TEKT5: variants seen among roughly 807,000 people sequenced by gnomAD.
TEKT5 encodes the protein tektin-5.
TEKT5 carries 52 observed loss-of-function variants against 48.7 expected under a neutral mutation model. The ratio of observed to expected loss-of-function variants is 1.07; its 90% confidence interval spans 0.86 to 1.35. The LOEUF is 1.35. Among genes scored for constraint, TEKT5 ranks in the 40% most tolerant of loss-of-function variants. The pLI is 0.00. For synonymous variants in TEKT5, 318 were observed against 267.6 expected (o/e 1.19, Z -1.84); for missense variants, 831 against 641.6 (o/e 1.30, Z -3.19).
chr16:10,693,376 T>G (rs1203715197), intron 1 of TEKT5, among the ~76,000 whole-genome samples: 7 of 152,246 alleles, frequency 4.6e-5, no homozygotes, highest in African/African-American at 7.2e-5. Context: ...ATTACAGGTG[T>G]AAGCCACTGT....
chr16:10,641,808 T>G (rs922718780), intron 5 of TEKT5, among the ~76,000 whole-genome samples: 29 of 151,940 alleles, frequency 1.9e-4, no homozygotes, highest in African/African-American at 7.0e-4. Context: ...GGTGACAGAG[T>G]GAGACACTGT....
intron 5 of TEKT5, among the ~76,000 whole-genome samples, chr16:10,637,453 G>GGAGGGGA (rs1380041151): frequency 6.6e-6 from 1 of 151,564 alleles, no homozygotes; most frequent in East Asian, 1.9e-4. Context: ...GGAGGAAGGA[G>GGAGGGGA]GAGGGGAGAG....
chr16:10,684,036 C>T (rs1898808912), intron 3 of TEKT5, among the ~76,000 whole-genome samples: 1 of 152,214 alleles, frequency 6.6e-6, no homozygotes, highest in Admixed American at 6.5e-5. Context: ...CTCGCTAAAT[C>T]CTAGCTAGAA....
In TEKT5 at chr16:10,690,287, C is replaced by G. The variant is rs536861016; in HGVS notation, c.565-262G>C. Among the ~76,000 whole-genome samples the G allele has an allele frequency of 2.6e-5, 4 of 152,180 alleles. No homozygotes were observed. In the South Asian group the frequency reaches 8.3e-4, roughly 32 times the overall value. On this transcript the variant is annotated intron_variant, in intron 1 of 6. Coordinates refer to ENST00000283025, the MANE Select transcript of TEKT5 (RefSeq NM_144674.2). ...CAGGATAAAGTAGCATCCCAAGAAC[C>G]AATTTTGATTCCCATAATTGCATCA...
chr16:10,694,505 C>T lies in TEKT5; in HGVS notation c.369G>A (p.Leu123=). ...SRLTDDSMRL[L]QDKDQLTHQM... The stretch of plus-strand genomic sequence containing the variant: ...GGTGCGTCAGCTGGTCCTTGTCCTG[C>T]AAGAGCCTCATGGAGTCATCCGTCA... The change falls in exon 1 of 7, where the codon TTG becomes TTA. Residue 123 remains leucine, a synonymous_variant. Coordinates refer to ENST00000283025, the MANE Select transcript of TEKT5 (RefSeq NM_144674.2). 9 of 1,612,570 alleles carry T rather than the reference C, an allele frequency of 5.6e-6. No individual in the cohort carries two copies. Among genetic ancestry groups the T allele is most frequent in the Non-Finnish European group, 7.6e-6 (9 of 1,179,290 alleles).
intron 6 of TEKT5, among the ~76,000 whole-genome samples, chr16:10,630,311 C>A (rs933448515): frequency 6.6e-6 from 1 of 151,918 alleles, no homozygotes; most frequent in African/African-American, 2.4e-5. Flanking sequence ...CCATAGCTTA[C>A]TGCAGCCTCA....
chr16:10,689,977 A>G lies in TEKT5; in HGVS notation c.613T>C (p.Leu205=), dbSNP rs768551074. 2 of 1,613,918 alleles carry G rather than the reference A, an allele frequency of 1.2e-6. No individual in the cohort carries two copies. Among genetic ancestry groups the G allele is most frequent in the East Asian group, 2.2e-5 (1 of 44,870 alleles). Residue 205 remains leucine, a synonymous_variant, in exon 2 of 7, where the codon TTG becomes CTG. Coordinates refer to ENST00000283025, the MANE Select transcript of TEKT5 (RefSeq NM_144674.2). ...TTTTTCTCCACGTTGTCATGGACCAAATCAATCCCAATCCTCTTCTCTCGA... is the reference window on the plus strand; with the variant it reads ...TTTTTCTCCACGTTGTCATGGACCAGATCAATCCCAATCCTCTTCTCTCGA... ...YHREKRIGID[L]VHDNVEKNLI...
chr16:10,645,800 C>T (rs1289130359), intron 5 of TEKT5, among the ~76,000 whole-genome samples: 1 of 152,078 alleles, frequency 6.6e-6, no homozygotes, highest in African/African-American at 2.4e-5. Flanking sequence ...AAGAGTGAAA[C>T]TCTGTCTCAA....
intron 5 of TEKT5, among the ~76,000 whole-genome samples, chr16:10,666,709 C>T (rs1000683621): frequency 6.6e-6 from 1 of 152,162 alleles, no homozygotes; most frequent in African/African-American, 2.4e-5. Context: ...CTTATGAAGC[C>T]AGGGATGGGG....
intron 5 of TEKT5, among the ~76,000 whole-genome samples, chr16:10,672,359 T>A (rs972680319): frequency 1.3e-5 from 2 of 152,066 alleles, no homozygotes; most frequent in African/African-American, 4.8e-5. Flanking sequence ...GGTGGATCAC[T>A]TGAGCCCAGG....
At chr16:10,680,926 G>C (rs571712981) in intron 4 of TEKT5, among the ~76,000 whole-genome samples, 3 of 150,584 alleles carry the variant, frequency 2.0e-5, no homozygotes, top group African/African-American at 7.3e-5. Context: ...GATTTAGTGG[G>C]TGCAGCGCAC....
intron 4 of TEKT5, among the ~76,000 whole-genome samples, chr16:10,680,776 G>A (rs547885253): frequency 5.6e-5 from 8 of 142,690 alleles, no homozygotes; most frequent in Non-Finnish European, 1.1e-4. Context: ...ACCAAACACC[G>A]CATATTCTCA....
rs187034748 is a variant in TEKT5, at chr16:10,658,966, C to T, written c.1086+16993G>A. ...CTCCTGGCCTCAAGTGATCCACCCA[C>T]TTCAGTCTCCCAAAGTGCTAGGATT... On this transcript the variant is annotated intron_variant, in intron 5 of 6. Transcript: ENST00000283025. 9.8e-5 allele frequency among the ~76,000 whole-genome samples: 15 copies of T among 152,330 alleles called. No individual in the cohort carries two copies. In the East Asian group the frequency reaches 2.7e-3, roughly 27 times the overall value.
chr16:10,682,489 G>A (rs928121396), intron 3 of TEKT5, among the ~76,000 whole-genome samples: 3 of 152,078 alleles, frequency 2.0e-5, no homozygotes, highest in Non-Finnish European at 4.4e-5. Flanking sequence ...CACCAAGCCC[G>A]ACTAACTTTT....
At chr16:10,677,230 G>A (rs1325991210) in intron 4 of TEKT5, among the ~76,000 whole-genome samples, 2 of 148,236 alleles carry the variant, frequency 1.3e-5, no homozygotes, top group African/African-American at 5.2e-5. Context: ...AGAGACAAAT[G>A]GAGTGGTGTC....
intron 5 of TEKT5, among the ~76,000 whole-genome samples, chr16:10,665,757 G>C (rs1005042120): frequency 4.6e-5 from 7 of 152,184 alleles, no homozygotes; most frequent in African/African-American, 1.7e-4. Flanking sequence ...TGAGACCTGA[G>C]CCCACGTGAC....
chr16:10,661,215 T>A (rs914815136), intron 5 of TEKT5, among the ~76,000 whole-genome samples: 1 of 152,044 alleles, frequency 6.6e-6, no homozygotes, highest in African/African-American at 2.4e-5. Context: ...GGGCTGTGAG[T>A]TTGCAACCCC....
At chr16:10,686,215 G>T (rs1194372243) in intron 3 of TEKT5, among the ~76,000 whole-genome samples, 1 of 152,150 alleles carries the variant, frequency 6.6e-6, no homozygotes, top group Non-Finnish European at 1.5e-5. Flanking sequence ...TTCAACAAAT[G>T]GTATTGATAC....
chr16:10,649,926 G>A (rs1240487146), intron 5 of TEKT5, among the ~76,000 whole-genome samples: 1 of 152,122 alleles, frequency 6.6e-6, no homozygotes, highest in East Asian at 1.9e-4. Context: ...TGCTCCTACG[G>A]AGCCTGTTCC....
Sources: allele counts gnomAD v4.1 joint callset (sites outside exome capture counted in the v4.1 genomes callset), GRCh38; gene constraint gnomAD v4.1.1; transcripts MANE v1.5; gene names NCBI Gene and HGNC (gene_info 2026-07-23, HGNC 2026-07-21).